The following PLEKHA5 variants were observed in gnomAD, a reference collection of about 807,000 sequenced individuals.
PLEKHA5 encodes pleckstrin homology domain-containing family A member 5.
PLEKHA5 carries 55 observed loss-of-function variants against 181.9 expected under a neutral mutation model. That is an observed-to-expected ratio of 0.30 (90% CI 0.24 to 0.38). The LOEUF (loss-of-function observed/expected upper bound fraction) is 0.38. PLEKHA5 is among the 10% of genes least tolerant of loss of function. The probability of loss-of-function intolerance (pLI) is 1.00; values close to 1 mark genes in which losing one functional copy is unlikely to be tolerated. For missense variants in PLEKHA5, 1,432 were observed against 1,549.5 expected (o/e 0.92, Z 1.27); for synonymous variants, 535 against 529.4 (o/e 1.01, Z -0.15).
intron 3 of PLEKHA5, among the ~76,000 whole-genome samples, chr12:19,250,718 A>G (rs1046760528): frequency 6.6e-6 from 1 of 152,212 alleles, no homozygotes; most frequent in African/African-American, 2.4e-5. Flanking sequence ...AATATCTGGC[A>G]AGAATTTTTT....
intron 25 of PLEKHA5, among the ~76,000 whole-genome samples, chr12:19,350,595 C>G (rs1719939644): frequency 6.6e-6 from 1 of 152,096 alleles, no homozygotes; most frequent in Admixed American, 6.6e-5. Flanking sequence ...ATGGCGAAGC[C>G]CCATCTCTAC....
chr12:19,198,658 T>TGAA (rs2053505094), intron 3 of PLEKHA5, among the ~76,000 whole-genome samples: 1 of 152,102 alleles, frequency 6.6e-6, no homozygotes, highest in Non-Finnish European at 1.5e-5. Context: ...GAATGAATGA[T>TGAA]TGTGTGAATG....
intron 3 of PLEKHA5, among the ~76,000 whole-genome samples, chr12:19,241,964 A>G (rs2062702399): frequency 1.3e-5 from 2 of 152,210 alleles, no homozygotes; most frequent in South Asian, 4.1e-4. Context: ...TGTTTTAACC[A>G]TATAGTACCA....
chr12:19,193,975 C>T (rs1041624266), intron 3 of PLEKHA5, among the ~76,000 whole-genome samples: 1 of 151,080 alleles, frequency 6.6e-6, no homozygotes, highest in Non-Finnish European at 1.5e-5. Context: ...CATGAGAACT[C>T]ACTCAGTATT....
chr12:19,139,852 G>T (rs1269148268), intron 3 of PLEKHA5, among the ~76,000 whole-genome samples: 1 of 152,182 alleles, frequency 6.6e-6, no homozygotes, highest in Non-Finnish European at 1.5e-5. Context: ...CTTGAGATTG[G>T]ACCACAACCT....
chr12:19,247,159 G>C (rs2063957681), intron 3 of PLEKHA5, among the ~76,000 whole-genome samples: 1 of 152,162 alleles, frequency 6.6e-6, no homozygotes, highest in Non-Finnish European at 1.5e-5. Flanking sequence ...AATTACCCTG[G>C]AAAGGGAGGC....
In PLEKHA5 at chr12:19,274,987, A is replaced by G. The variant is rs763734996; in HGVS notation, c.1313+4A>G. The G allele has an allele frequency of 4.4e-6, 7 of 1,588,534 alleles. 1 individual carries two copies. In the South Asian group the frequency reaches 6.6e-5, roughly 15 times the overall value. The stretch of plus-strand genomic sequence containing the variant: ...GTCATGAAGAAGAAACCAGGGGGTA[A>G]GTGTCTGTCTTGTCATTATGAACCC... On this transcript the variant is annotated splice_donor_region_variant and intron_variant, in intron 11 of 31. Transcript: ENST00000429027.
Position 19,274,522 on chromosome 12 carries a change from C to A in PLEKHA5, c.852C>A (p.Asp284Glu). The part of the protein sequence containing the change: ...VKRITFNFRV[D>E]KITSENAPTK... ...TTTTCTTCTCTGATTTCAGAGTGGA[C>A]AAGATTACATCTGAAAATGCACCAA... Residue 284 changes from aspartate to glutamate, a missense_variant, in exon 11 of 32, where the codon GAC (aspartate) becomes GAA (glutamate). Physicochemically the swap from Asp to Glu is conservative, Grantham distance 45 (BLOSUM62 2). Around this residue, in one of 2 missense-constraint regions of PLEKHA5, gnomAD observed 289 missense variants for 381.1 expected, o/e 0.76. Coordinates refer to ENST00000429027, the MANE Select transcript of PLEKHA5 (RefSeq NM_001256470.2). The A allele has an allele frequency of 1.3e-6, 2 of 1,585,066 alleles. No individual in the cohort carries two copies. Among genetic ancestry groups the A allele is most frequent in the Non-Finnish European group, 1.7e-6 (2 of 1,159,062 alleles).
chr12:19,166,885 TAA>T (rs756896352), intron 3 of PLEKHA5, among the ~76,000 whole-genome samples: 11 of 152,224 alleles, frequency 7.2e-5, no homozygotes, highest in Non-Finnish European at 1.5e-4. Flanking sequence ...TTGTTTAAAT[TAA>T]GTTATCAAAT....
chr12:19,342,776 C>CA (rs879778280), intron 21 of PLEKHA5, among the ~76,000 whole-genome samples: 9 of 148,504 alleles, frequency 6.1e-5, no homozygotes, highest in Non-Finnish European at 1.0e-4. Flanking sequence ...GACTCTGTCT[C>CA]AAAAAAAAAT....
intron 3 of PLEKHA5, among the ~76,000 whole-genome samples, chr12:19,161,934 A>G (rs2043060910): frequency 6.6e-6 from 1 of 152,190 alleles, no homozygotes; most frequent in Non-Finnish European, 1.5e-5. Flanking sequence ...TCTTGATTAT[A>G]TTCATATTAG....
chr12:19,139,389 C>T (rs1480487943), intron 3 of PLEKHA5, among the ~76,000 whole-genome samples: 1 of 152,122 alleles, frequency 6.6e-6, no homozygotes, highest in Non-Finnish European at 1.5e-5. Context: ...CTGACATTAT[C>T]TTTTTACTCC....
chr12:19,306,571 C>T, intron 15 of PLEKHA5: 1 of 779,304 alleles, frequency 1.3e-6, no homozygotes, highest in East Asian at 2.6e-5. Context: ...TCGTCCCCAG[C>T]ACTGCGGATC....
intron 6 of PLEKHA5, among the ~76,000 whole-genome samples, chr12:19,259,399 T>C (rs1439503325): frequency 6.6e-6 from 1 of 151,986 alleles, no homozygotes; most frequent in African/African-American, 2.4e-5. Flanking sequence ...GTAATATGTG[T>C]GTGACACATA....
chr12:19,353,161 T>A (rs2094703275), intron 25 of PLEKHA5, among the ~76,000 whole-genome samples: 1 of 151,784 alleles, frequency 6.6e-6, no homozygotes, highest in South Asian at 2.1e-4. Flanking sequence ...ATTTATTTTT[T>A]TATTTATTTT....
chr12:19,348,387 CTTCCT>C lies in PLEKHA5; in HGVS notation c.2899-8_2899-4del. ...GCAGTTTTTTAGGGTAATTACATGT[CTTCCT>C]TTCAAGGGTCCAGATTATAGACTCT... On this transcript the variant is annotated splice_region_variant and splice_polypyrimidine_tract_variant and intron_variant, in intron 24 of 31. Transcript: ENST00000429027. 6.4e-7 allele frequency: 1 copy of C among 1,562,912 alleles called. No individual in the cohort carries two copies. The highest frequency in any genetic ancestry group is 8.6e-7 in the Non-Finnish European group (1 of 1,159,354).
intron 25 of PLEKHA5, among the ~76,000 whole-genome samples, chr12:19,352,206 A>C (rs1056118940): frequency 2.0e-5 from 3 of 151,954 alleles, no homozygotes; most frequent in Non-Finnish European, 2.9e-5. Context: ...CAACGTGGCA[A>C]GATCCTGTCT....
chr12:19,350,561 G>A (rs1346419609), intron 25 of PLEKHA5, among the ~76,000 whole-genome samples: 1 of 152,152 alleles, frequency 6.6e-6, no homozygotes, highest in East Asian at 1.9e-4. Context: ...ACAAGGTCAG[G>A]AGTTCAAGAC....
In PLEKHA5 at chr12:19,369,709, A is replaced by C. The variant is rs1198907167; in HGVS notation, c.3771A>C (p.Pro1257=). ...NQTMAVKSLS[P]SPESSASPVP... ...GTGTTTTAGTGAAAAGTCTGTCCCCATCTCCTGAGTCCTCGGCATCGCCAG... is the reference window on the plus strand; with the variant it reads ...GTGTTTTAGTGAAAAGTCTGTCCCCCTCTCCTGAGTCCTCGGCATCGCCAG... Residue 1257 remains proline, a synonymous_variant, in exon 31 of 32, where the codon CCA becomes CCC. Coordinates refer to ENST00000429027, the MANE Select transcript of PLEKHA5 (RefSeq NM_001256470.2). The C allele has an allele frequency of 1.2e-6, 2 of 1,610,666 alleles. No homozygotes were observed. Among genetic ancestry groups the C allele is most frequent in the South Asian group, 1.1e-5 (1 of 90,660 alleles).
Sources: allele counts gnomAD v4.1 joint callset (sites outside exome capture counted in the v4.1 genomes callset), GRCh38; gene constraint gnomAD v4.1.1; regional missense constraint gnomAD v4.1.1; transcripts MANE v1.5; gene names NCBI Gene and HGNC (gene_info 2026-07-23, HGNC 2026-07-21).